TASOR2: variants seen among roughly 807,000 people sequenced by gnomAD.
TASOR2 encodes the protein transcription activation suppressor family member 2, also known as protein TASOR 2.
In TASOR2, 84 loss-of-function variants were observed where a neutral mutation model predicts 199.5. That is an observed-to-expected ratio of 0.42 (90% CI 0.35 to 0.50). The LOEUF is 0.50. Among genes scored for constraint, TASOR2 ranks in the 20% least tolerant of loss-of-function variants. The pLI, the probability that TASOR2 is intolerant of heterozygous loss-of-function variation, is 0.02. For synonymous variants in TASOR2, 1,103 were observed against 1,046.6 expected (o/e 1.05, Z -1.04); for missense variants, 2,796 against 2,835.9 (o/e 0.99, Z 0.32).
rs574810078 is a variant in TASOR2 at position 5,689,492 on chromosome 10, C to T, written c.-288+4317C>T. On this transcript the variant is annotated intron_variant, in intron 1 of 20. Transcript: ENST00000328090. This position sits in a 1 kb window ranked among gnomAD's most constrained non-coding sequence, Gnocchi z 4.1. ...GTGCGCGCCTGTAGTCCCAGCTACT[C>T]GGGAGGCTGAGGCAGAAGAATTGCT... Among the ~76,000 whole-genome samples the T allele has an allele frequency of 9.9e-5, 15 of 151,824 alleles. No individual in the cohort carries two copies. In the East Asian group the frequency reaches 2.9e-3, roughly 29 times the overall value.
intron 8 of TASOR2, 41 bp downstream of exon 9, chr10:5,724,574 T>C: frequency 1.4e-6 from 1 of 732,004 alleles, no homozygotes; most frequent in Non-Finnish European, 1.9e-6. Context: ...TATGTTTTTC[T>C]TTAATTGATA....
chr10:5,700,630 C>G (rs1837707066), intron 1 of TASOR2, among the ~76,000 whole-genome samples: 1 of 152,118 alleles, frequency 6.6e-6, no homozygotes, highest in African/African-American at 2.4e-5. Context: ...GCCATTTTAA[C>G]TGGGGCGAGA....
In TASOR2 at chr10:5,701,281, A is replaced by T. The variant is rs1041139341; in HGVS notation, c.-287-11542A>T. ...TGTTTTAGCTCCTTTGTCGATGATG[A>T]GTTGGCTCTATATGGATTTACACCT... On this transcript the variant is annotated intron_variant, in intron 1 of 20. Transcript: ENST00000328090. The surrounding 1 kb of genome is among the most constrained non-coding windows in gnomAD (Gnocchi z 4.9). Among the ~76,000 whole-genome samples, 16 of 152,018 alleles carry T rather than the reference A, an allele frequency of 1.1e-4. No homozygotes were observed. The highest frequency in any genetic ancestry group is 3.6e-4 in the African/African-American group (15 of 41,372).
chr10:5,759,168 C>T (rs144233995), intron 18 of TASOR2, among the ~76,000 whole-genome samples, 176 bp downstream of exon 19: 496 of 152,260 alleles, frequency 3.3e-3, no homozygotes, highest in Non-Finnish European at 5.9e-3. Context: ...CCGTAGCCAA[C>T]AGTATGAGGC....
In TASOR2 at chr10:5,720,722, T is replaced by C. The variant is rs1245961704; in HGVS notation, c.27-33T>C. On this transcript the variant is annotated intron_variant, in intron 4 of 20. Coordinates refer to ENST00000328090, the Ensembl canonical transcript of TASOR2. The surrounding 1 kb of genome is among the most constrained non-coding windows in gnomAD (Gnocchi z 5.3). The stretch of plus-strand genomic sequence containing the variant: ...ACTGAATTTGTTCCTTTTACTCTTG[T>C]AAACATGTTCTTTTTCTTTCTTTTT... 6.2e-7 allele frequency: 1 copy of C among 1,613,828 alleles called. No individual in the cohort carries two copies. The highest frequency in any genetic ancestry group is 8.5e-7 in the Non-Finnish European group (1 of 1,179,946).
At chr10:5,700,486 T>C (rs553197212) in intron 1 of TASOR2, among the ~76,000 whole-genome samples, 2 of 152,284 alleles carry the variant, frequency 1.3e-5, no homozygotes, top group South Asian at 4.1e-4. Context: ...AGTTCTGTTT[T>C]TATTTTTTTG....
chr10:5,725,099 G>A (rs956409078), intron 8 of TASOR2, among the ~76,000 whole-genome samples: 3 of 152,126 alleles, frequency 2.0e-5, no homozygotes, highest in African/African-American at 7.2e-5. Flanking sequence ...TAGATACACT[G>A]GACAAAGGGA....
chr10:5,747,220 G>A, exon 15 of TASOR2: 2 of 1,614,152 alleles, frequency 1.2e-6, no homozygotes, highest in Non-Finnish European at 1.7e-6. Context: ...AAGCCTGTCT[G>A]TGAGTAGAGA....
At position 5,750,141 on chromosome 10, in the gene TASOR2, A is replaced by T; in HGVS notation, c.6606+114A>T. On this transcript the variant is annotated intron_variant, in intron 15 of 20. Coordinates refer to ENST00000328090, the Ensembl canonical transcript of TASOR2. This position sits in a 1 kb window ranked among gnomAD's most constrained non-coding sequence, Gnocchi z 5.4. ...AAATCATGGTATGACATAGTATTTAAATTTCACAGCTTAGTCTTTATCTGC... is the reference window on the plus strand; with the variant it reads ...AAATCATGGTATGACATAGTATTTATATTTCACAGCTTAGTCTTTATCTGC... 8.6e-7 allele frequency: 1 copy of T among 1,158,678 alleles called. No individual in the cohort carries two copies. Among genetic ancestry groups the T allele is most frequent in the South Asian group, 1.8e-5 (1 of 57,058 alleles). The allele number at this position is 1,158,678 out of a possible 1,614,324, so 71.8% of individuals were successfully genotyped here. A position where few individuals can be genotyped will look rare whatever the true frequency, so the allele number is the denominator to read the frequency against.
At position 5,689,848 on chromosome 10, in the gene TASOR2, GATTTTTGATA is replaced by G. The variant is rs1472738610; in HGVS notation, c.-288+4685_-288+4694del. 7.2e-5 allele frequency among the ~76,000 whole-genome samples: 11 copies of G among 152,234 alleles called. No individual in the cohort carries two copies. Among genetic ancestry groups the G allele is most frequent in the African/African-American group, 2.6e-4 (11 of 41,550 alleles). On this transcript the variant is annotated intron_variant, in intron 1 of 20. Transcript: ENST00000328090. This position sits in a 1 kb window ranked among gnomAD's most constrained non-coding sequence, Gnocchi z 4.1. ...ACAGACATACATTGCCAAACTTGTG[GATTTTTGATA>G]ATTTTTGATAAGTTAAAAGTAAAAC... is the stretch of plus-strand genomic sequence containing the variant.
At position 5,761,372 on chromosome 10, in the gene TASOR2, C is replaced by T. The variant is rs1403718854; in HGVS notation, c.7075C>T (p.Gln2359Ter). 6.2e-7 allele frequency: 1 copy of T among 1,613,964 alleles called. No individual in the cohort carries two copies. The highest frequency in any genetic ancestry group is 8.5e-7 in the Non-Finnish European group (1 of 1,179,966). Reference sequence around the variant, plus strand: ...TATCATTGAATTGCTTCATTATCACCAGTGTGACTCTCGATCATCAACAAA... The same window carrying T: ...TATCATTGAATTGCTTCATTATCACTAGTGTGACTCTCGATCATCAACAAA... The change falls in exon 19 of 21, where the codon CAG (glutamine) becomes TAG (stop). Residue 2359 changes from glutamine to a stop codon, truncating the protein, a stop_gained. Transcript: ENST00000328090. LOFTEE classifies it high-confidence loss of function.
At chr10:5,747,746 A>T (rs769932931) in exon 15 of TASOR2, 2 of 1,614,212 alleles carry the variant, frequency 1.2e-6, no homozygotes, top group Non-Finnish European at 1.7e-6. Flanking sequence ...TCCCAATGTG[A>T]GTCAGAAGAC....
chr10:5,763,712 A>AT (rs1840215750), exon 21 of TASOR2: 1 of 152,214 alleles, frequency 6.6e-6, no homozygotes, highest in African/African-American at 2.4e-5. Context: ...AATGTGTTTC[A>AT]TTTTTTAAAT....
rs1160362413 is a variant in TASOR2 at position 5,685,558 on chromosome 10, C to T, written c.-288+383C>T. ...GCTGGGAAATCATTTCCTGCGGGTT[C>T]TGCGTGAAGCCTGCTGCTACTCGAG... On this transcript the variant is annotated intron_variant, in intron 1 of 20. Transcript: ENST00000328090. The surrounding 1 kb of genome is among the most constrained non-coding windows in gnomAD (Gnocchi z 5.4). 6.6e-6 allele frequency among the ~76,000 whole-genome samples: 1 copy of T among 152,176 alleles called. No individual in the cohort carries two copies. The highest frequency in any genetic ancestry group is 1.5e-5 in the Non-Finnish European group (1 of 68,036).
At chr10:5,702,870 A>C (rs1838071775) in intron 1 of TASOR2, among the ~76,000 whole-genome samples, 1 of 152,164 alleles carries the variant, frequency 6.6e-6, no homozygotes, top group South Asian at 2.1e-4. Flanking sequence ...CTGGTAAAAA[A>C]TTTCAACTGG....
At chr10:5,739,383 A>T (rs146727110) in intron 12 of TASOR2, among the ~76,000 whole-genome samples, 1 of 152,310 alleles carries the variant, frequency 6.6e-6, no homozygotes, top group African/African-American at 2.4e-5. Flanking sequence ...AACACATTAT[A>T]ATCTGAGGGT....
rs1354798850 is a variant in TASOR2 at position 5,710,125 on chromosome 10, G to A, written c.-287-2698G>A. 2.0e-5 allele frequency among the ~76,000 whole-genome samples: 3 copies of A among 152,032 alleles called. No individual in the cohort carries two copies. Among genetic ancestry groups the A allele is most frequent in the African/African-American group, 7.2e-5 (3 of 41,414 alleles). On this transcript the variant is annotated intron_variant, in intron 1 of 20. Coordinates refer to ENST00000328090, the Ensembl canonical transcript of TASOR2. The surrounding 1 kb of genome is among the most constrained non-coding windows in gnomAD (Gnocchi z 4.6). The stretch of plus-strand genomic sequence containing the variant: ...GTTTGTATTGTTTGGTGCACTGATT[G>A]GACTCTCAAATGAAAGTGTATTTTG...
chr10:5,723,775 A>G, exon 7 of TASOR2: 1 of 1,601,064 alleles, frequency 6.2e-7, no homozygotes, highest in East Asian at 2.2e-5. Context: ...TTGGAGGAGA[A>G]AGGTCTGTTG....
chr10:5,735,694 T>A, intron 12 of TASOR2, 148 bp downstream of exon 13: 1 of 1,007,992 alleles, frequency 9.9e-7, no homozygotes, highest in Non-Finnish European at 1.4e-6. Flanking sequence ...AAAAACTAAG[T>A]AAACTGGTTT....
Sources: gnomAD v4.1 joint callset for allele counts (sites outside exome capture counted in the v4.1 genomes callset) on GRCh38, gnomAD v4.1.1 for gene constraint, Gnocchi (gnomAD v3.1) non-coding constraint, MANE v1.5 for transcripts, NCBI Gene and HGNC (gene_info 2026-07-23, HGNC 2026-07-21) for gene names.